ZNF385D: variants seen among roughly 807,000 people sequenced by gnomAD.
ZNF385D encodes zinc finger protein 385D.
Under a neutral mutation model 35.8 loss-of-function variants are expected in ZNF385D, and 15 were observed. That is an observed-to-expected ratio of 0.42 (90% CI 0.28 to 0.64). The LOEUF is 0.64. ZNF385D is among the 30% of genes least tolerant of loss of function. ZNF385D has a pLI of 0.23. For synonymous variants in ZNF385D, 212 were observed against 186.8 expected, an observed-to-expected ratio of 1.13 and a Z score of -1.10; for missense variants, 474 against 494.6, an observed-to-expected ratio of 0.96 and a Z score of 0.39.
chr3:22,310,516 G>A (rs1326493053), intron 2 of ZNF385D, among the ~76,000 whole-genome samples: 1 of 151,944 alleles, frequency 6.6e-6, no homozygotes, highest in Non-Finnish European at 1.5e-5. Context: ...TATTACTGCA[G>A]TTAATCCCAT....
intron 3 of ZNF385D, among the ~76,000 whole-genome samples, chr3:21,765,619 T>C (rs576138431): frequency 1.0e-4 from 15 of 150,242 alleles, no homozygotes; most frequent in Non-Finnish European, 3.0e-5. Context: ...CAGATTCATG[T>C]GCAAGATGGA....
chr3:21,662,032 A>G (rs1393377193), intron 2 of ZNF385D, among the ~76,000 whole-genome samples: 3 of 152,134 alleles, frequency 2.0e-5, no homozygotes, highest in African/African-American at 7.2e-5. Context: ...TCATATCCTC[A>G]GGGGAAGAAT....
intron 2 of ZNF385D, among the ~76,000 whole-genome samples, chr3:22,276,265 A>G (rs1701422093): frequency 6.6e-6 from 1 of 152,076 alleles, no homozygotes; most frequent in Non-Finnish European, 1.5e-5. Context: ...AAAGTTCAGA[A>G]TATGTATGAT....
chr3:21,582,237 T>G (rs888397059), intron 2 of ZNF385D, among the ~76,000 whole-genome samples: 2 of 152,166 alleles, frequency 1.3e-5, no homozygotes, highest in East Asian at 3.9e-4. Context: ...ACTCAATCTA[T>G]AAACTGGATC....
intron 3 of ZNF385D, among the ~76,000 whole-genome samples, chr3:21,943,603 C>T (rs917612777): frequency 2.6e-5 from 4 of 151,980 alleles, no homozygotes; most frequent in Admixed American, 2.0e-4. Flanking sequence ...ATTATATATA[C>T]TACTTTGTAA....
chr3:21,515,454 G>T (rs922304937), intron 3 of ZNF385D, among the ~76,000 whole-genome samples: 1 of 152,082 alleles, frequency 6.6e-6, no homozygotes, highest in Non-Finnish European at 1.5e-5. Context: ...AGCCTTTTTA[G>T]TTTGTGATGT....
At chr3:21,585,529 G>C (rs1201060538) in intron 2 of ZNF385D, among the ~76,000 whole-genome samples, 4 of 152,268 alleles carry the variant, frequency 2.6e-5, no homozygotes, top group South Asian at 2.1e-4. Context: ...CATAAAGAAA[G>C]GCAATCACAA....
chr3:22,041,163 T>A (rs559772527), intron 3 of ZNF385D, among the ~76,000 whole-genome samples: 1 of 141,080 alleles, frequency 7.1e-6, no homozygotes, highest in South Asian at 2.2e-4. Flanking sequence ...ACCAAAAGGG[T>A]TGATATTTTA....
chr3:22,257,344 T>C (rs1700367450), intron 2 of ZNF385D, among the ~76,000 whole-genome samples: 1 of 151,726 alleles, frequency 6.6e-6, no homozygotes, highest in Non-Finnish European at 1.5e-5. Context: ...CCATCAAGCA[T>C]TATCACTTCC....
chr3:22,332,726 A>G (rs1694995152), intron 2 of ZNF385D, among the ~76,000 whole-genome samples: 1 of 152,174 alleles, frequency 6.6e-6, no homozygotes, highest in Non-Finnish European at 1.5e-5. Flanking sequence ...GCAAGTGGCT[A>G]TACAATGAAA....
chr3:22,183,061 A>G (rs923822077), intron 2 of ZNF385D, among the ~76,000 whole-genome samples: 1 of 152,124 alleles, frequency 6.6e-6, no homozygotes, highest in South Asian at 2.1e-4. Flanking sequence ...GAGCCTTAAT[A>G]AAAGTCTTAA....
intron 3 of ZNF385D, among the ~76,000 whole-genome samples, chr3:21,897,368 G>T (rs897046260): frequency 6.6e-6 from 1 of 152,282 alleles, no homozygotes; most frequent in Non-Finnish European, 1.5e-5. Flanking sequence ...AAACACAGGA[G>T]ATCCAATGTG....
Position 22,328,522 on chromosome 3 carries a change from T to TG in ZNF385D, c.106+43927dup, listed in dbSNP as rs529449091. On this transcript the variant is annotated intron_variant, in intron 2 of 5. Transcript: ENST00000494108. ...GCTCATGCCTCTAATCCCAGCACTT[T>TG]GGGAGGCCGAGGCTGGCAGATCATA... is the stretch of plus-strand genomic sequence containing the variant. Among the ~76,000 whole-genome samples the TG allele has an allele frequency of 1.3e-3, 194 of 152,276 alleles. 1 individual carries two copies. The highest frequency in any genetic ancestry group is 2.1e-3 in the Admixed American group (32 of 15,298).
chr3:21,662,412 A>C (rs1203354122), intron 2 of ZNF385D, among the ~76,000 whole-genome samples: 1 of 152,180 alleles, frequency 6.6e-6, no homozygotes, highest in African/African-American at 2.4e-5. Context: ...ATTAGAGTGG[A>C]TTTCCCTCCA....
chr3:21,892,190 A>G (rs1698904578), intron 3 of ZNF385D, among the ~76,000 whole-genome samples: 1 of 152,218 alleles, frequency 6.6e-6, no homozygotes, highest in Non-Finnish European at 1.5e-5. Flanking sequence ...TCTTATTTTT[A>G]TAATTGAGAT....
upstream of ZNF385D, chr3:21,751,381 A>T: frequency 9.8e-7 from 1 of 1,019,410 alleles, no homozygotes; most frequent in South Asian, 3.9e-5. Context: ...GCTCTCTTAA[A>T]GCGAGAAGAG....
chr3:21,777,654 C>T (rs1575632545), intron 3 of ZNF385D: 1 of 151,900 alleles, frequency 6.6e-6, no homozygotes, highest in Non-Finnish European at 1.5e-5. Context: ...GATTTTTCAC[C>T]CTTCTTCATA....
intron 3 of ZNF385D, among the ~76,000 whole-genome samples, chr3:21,906,539 T>G (rs1183932382): frequency 6.6e-6 from 1 of 152,130 alleles, no homozygotes; most frequent in Non-Finnish European, 1.5e-5. Context: ...CTGCTTCCTT[T>G]CATCACTTAA....
At chr3:22,293,736 G>C (rs1702421923) in intron 2 of ZNF385D, among the ~76,000 whole-genome samples, 1 of 152,096 alleles carries the variant, frequency 6.6e-6, no homozygotes, top group African/African-American at 2.4e-5. Flanking sequence ...AAGACCAGCA[G>C]AATCAACTTC....
Sources: gnomAD v4.1 joint callset for allele counts (sites outside exome capture counted in the v4.1 genomes callset) on GRCh38, gnomAD v4.1.1 for gene constraint, MANE v1.5 for transcripts, NCBI Gene and HGNC (gene_info 2026-07-23, HGNC 2026-07-21) for gene names.